Variants in CDH13 observed in about 807,000 individuals in gnomAD.
CDH13 encodes cadherin-13.
In CDH13, 24 loss-of-function variants were observed where a neutral mutation model predicts 63.8. The observed-to-expected ratio is 0.38, with a 90% confidence interval of 0.27 to 0.53. The LOEUF is 0.53. Ranked by LOEUF, CDH13 falls within the 20% of genes least tolerant of loss-of-function variation. CDH13 has a pLI of 0.85. For synonymous variants in CDH13, 503 were observed against 355.3 expected (o/e 1.42, Z -4.67); for missense variants, 1,049 against 903.1 (o/e 1.16, Z -2.07).
chr16:83,119,521 C>A (rs1372988036), intron 3 of CDH13, among the ~76,000 whole-genome samples: 1 of 152,206 alleles, frequency 6.6e-6, no homozygotes, highest in Non-Finnish European at 1.5e-5. Context: ...TTATTACCTC[C>A]CTCCTTTACG....
At chr16:82,811,015 T>G (rs1440139527) in intron 1 of CDH13, among the ~76,000 whole-genome samples, 2 of 152,158 alleles carry the variant, frequency 1.3e-5, no homozygotes, top group African/African-American at 4.8e-5. Context: ...TCTCAGATCC[T>G]GTTCAGGTGC....
intron 2 of CDH13, among the ~76,000 whole-genome samples, chr16:82,979,932 G>A (rs1597347970): frequency 6.6e-6 from 1 of 152,210 alleles, no homozygotes; most frequent in East Asian, 1.9e-4. Flanking sequence ...CACTTCCTTG[G>A]GTCATGTTTA....
intron 2 of CDH13, among the ~76,000 whole-genome samples, chr16:83,016,348 G>A (rs562507417): frequency 6.6e-6 from 1 of 152,314 alleles, no homozygotes; most frequent in South Asian, 2.1e-4. Flanking sequence ...ACTGCAATTA[G>A]GGAGGAGGTA....
At chr16:83,014,830 G>GTATATATATGTATA (rs1401091196) in intron 2 of CDH13, among the ~76,000 whole-genome samples, 1 of 95,232 alleles carries the variant, frequency 1.1e-5, no homozygotes, top group South Asian at 3.3e-4. Context: ...ATATATATTT[G>GTATATATATGTATA]TATATATATT....
chr16:83,055,067 G>T (rs189511847), intron 3 of CDH13, among the ~76,000 whole-genome samples: 15 of 152,096 alleles, frequency 9.9e-5, no homozygotes, highest in Middle Eastern at 3.4e-3. Context: ...TAGAAACTAT[G>T]CAATATATGT....
chr16:83,371,115 A>C (rs2091358706), intron 6 of CDH13, among the ~76,000 whole-genome samples: 1 of 152,240 alleles, frequency 6.6e-6, no homozygotes, highest in Non-Finnish European at 1.5e-5. Flanking sequence ...GACGCTGTGG[A>C]AAGCAGTTTG....
At chr16:82,894,102 C>T (rs1189027651) in intron 2 of CDH13, among the ~76,000 whole-genome samples, 1 of 152,190 alleles carries the variant, frequency 6.6e-6, no homozygotes, top group Non-Finnish European at 1.5e-5. Flanking sequence ...TGTCTGTACA[C>T]CTCCATGCAT....
intron 7 of CDH13, among the ~76,000 whole-genome samples, chr16:83,597,836 C>T (rs928764976): frequency 5.3e-5 from 8 of 152,118 alleles, no homozygotes; most frequent in Non-Finnish European, 1.0e-4. Flanking sequence ...TGTTGAACTA[C>T]GAGAGTTATG....
chr16:82,823,361 G>A (rs374252544), intron 1 of CDH13: 6 of 152,088 alleles, frequency 3.9e-5, no homozygotes, highest in African/African-American at 1.4e-4. Context: ...ATCTGACGCA[G>A]TTACCTAAAG....
chr16:83,493,061 C>G lies in CDH13; in HGVS notation c.960+6406C>G, dbSNP rs554482923. Among the ~76,000 whole-genome samples the G allele has an allele frequency of 5.5e-5, 8 of 144,160 alleles. No individual in the cohort carries two copies. The South Asian group carries it at 1.7e-3, about 30-fold the overall frequency. The allele number at this position is 144,160 out of a possible 152,430, so 94.6% of individuals were successfully genotyped here. On this transcript the variant is annotated intron_variant, in intron 7 of 13. Coordinates refer to ENST00000567109, the MANE Select transcript of CDH13 (RefSeq NM_001257.5). Reference sequence around the variant, plus strand: ...TGTTTGTTTGTCAGTTGTGAGACCTCTCTAAACCTCGATTTCTTCATCTGC... The same window carrying G: ...TGTTTGTTTGTCAGTTGTGAGACCTGTCTAAACCTCGATTTCTTCATCTGC...
At chr16:83,254,350 A>G (rs1905953713) in intron 5 of CDH13, among the ~76,000 whole-genome samples, 1 of 152,246 alleles carries the variant, frequency 6.6e-6, no homozygotes, top group African/African-American at 2.4e-5. Flanking sequence ...TGGAAGCCTC[A>G]TGCACAGAGT....
At chr16:82,896,660 G>C (rs542190420) in intron 2 of CDH13, among the ~76,000 whole-genome samples, 1 of 151,874 alleles carries the variant, frequency 6.6e-6, no homozygotes, top group Non-Finnish European at 1.5e-5. Flanking sequence ...AATGAGGTGG[G>C]AGTTGGGAGA....
intron 10 of CDH13, among the ~76,000 whole-genome samples, chr16:83,684,228 A>T (rs1331045939): frequency 1.3e-5 from 2 of 152,106 alleles, no homozygotes; most frequent in Non-Finnish European, 2.9e-5. Flanking sequence ...TTAGCTGGGC[A>T]TGGTGGTGTA....
intron 7 of CDH13, among the ~76,000 whole-genome samples, chr16:83,531,695 C>G (rs148898429): frequency 2.9e-4 from 44 of 152,252 alleles, no homozygotes; most frequent in African/African-American, 9.6e-4. Flanking sequence ...GGCCACTAAC[C>G]CAGAAATGAA....
At chr16:83,481,542 C>A (rs1377610892) in intron 6 of CDH13, among the ~76,000 whole-genome samples, 1 of 152,156 alleles carries the variant, frequency 6.6e-6, no homozygotes, top group African/African-American at 2.4e-5. Flanking sequence ...AATGAGAGAG[C>A]TGCAGTCAGG....
At chr16:83,370,644 C>T (rs771183817) in intron 6 of CDH13, among the ~76,000 whole-genome samples, 1 of 152,032 alleles carries the variant, frequency 6.6e-6, no homozygotes, top group Non-Finnish European at 1.5e-5. Context: ...GTAGGTAGGC[C>T]CTGGTGACTG....
intron 2 of CDH13, among the ~76,000 whole-genome samples, chr16:83,000,638 A>G (rs1231897492): frequency 7.3e-6 from 1 of 136,764 alleles, no homozygotes; most frequent in South Asian, 2.3e-4. Flanking sequence ...TGCCCAGGCT[A>G]GAGTGCAGTG....
At chr16:83,522,518 T>A (rs2074864952) in intron 7 of CDH13, among the ~76,000 whole-genome samples, 1 of 152,212 alleles carries the variant, frequency 6.6e-6, no homozygotes, top group Admixed American at 6.5e-5. Flanking sequence ...ACTTCATTTT[T>A]AAAAATGTAA....
chr16:82,871,438 A>G (rs1455824990), intron 2 of CDH13, among the ~76,000 whole-genome samples: 2 of 152,154 alleles, frequency 1.3e-5, no homozygotes, highest in Non-Finnish European at 2.9e-5. Context: ...GGAGCACTTG[A>G]ACATGAAATA....
Sources: gnomAD v4.1 joint callset for allele counts (sites outside exome capture counted in the v4.1 genomes callset) on GRCh38, gnomAD v4.1.1 for gene constraint, MANE v1.5 for transcripts, NCBI Gene and HGNC (gene_info 2026-07-23, HGNC 2026-07-21) for gene names.